The following MRPL48 variants were observed in gnomAD, a reference collection of about 807,000 sequenced individuals.
The protein encoded by MRPL48 is large ribosomal subunit protein mL48.
MRPL48 carries 16 observed loss-of-function variants against 32.9 expected under a neutral mutation model. That is an observed-to-expected ratio of 0.49 (90% CI 0.33 to 0.74). MRPL48 has a LOEUF of 0.74. MRPL48 is among the 30% of genes least tolerant of loss of function. MRPL48 has a pLI of 0.02. For missense variants in MRPL48, 206 were observed against 245.3 expected, an observed-to-expected ratio of 0.84 and a Z score of 1.07; for synonymous variants, 94 against 89.2, an observed-to-expected ratio of 1.05 and a Z score of -0.31.
At position 73,812,133 on chromosome 11, in the gene MRPL48, G is replaced by A. The variant is rs150146697; in HGVS notation, c.112+3783G>A. ...GATCTCCTGACCTTGTGATCCAACC[G>A]CCTCGGCCTCCCAAAGTGCTGGGAT... On this transcript the variant is annotated intron_variant, in intron 3 of 7. Transcript: ENST00000310614. 5.4e-3 allele frequency among the ~76,000 whole-genome samples: 814 copies of A among 152,110 alleles called. 8 individuals are homozygous for A. The highest frequency in any genetic ancestry group is 0.018 in the African/African-American group (736 of 41,498).
At chr11:73,847,791 G>A (rs1948321236) in intron 5 of MRPL48, among the ~76,000 whole-genome samples, 2 of 151,672 alleles carry the variant, frequency 1.3e-5, no homozygotes, top group Admixed American at 6.6e-5. Flanking sequence ...TGTTGGTCAG[G>A]CCAGTCTCGA....
chr11:73,806,382 A>G (rs1361118571), intron 2 of MRPL48, among the ~76,000 whole-genome samples: 1 of 152,112 alleles, frequency 6.6e-6, no homozygotes, highest in Non-Finnish European at 1.5e-5. Flanking sequence ...CTTTCCTCAG[A>G]TATCCATATG....
rs560214198 is a variant in MRPL48, at chr11:73,864,809, C to T, written c.*439C>T. Reference sequence around the variant, plus strand: ...CCAAAAACATTCTTTTTTTTTTTTCCGAAACGGAGTCTCGCTCTGTTGCCC... The same window carrying T: ...CCAAAAACATTCTTTTTTTTTTTTCTGAAACGGAGTCTCGCTCTGTTGCCC... On this transcript the variant is annotated 3_prime_UTR_variant, in exon 8 of 8. Transcript: ENST00000310614. 8.8e-5 allele frequency: 15 copies of T among 170,234 alleles called. 1 individual carries two copies. Among genetic ancestry groups the T allele is most frequent in the Admixed American group, 3.4e-4 (6 of 17,782 alleles). 10.5% of individuals were successfully genotyped at this position (170,234 alleles called of 1,614,324 possible).
chr11:73,835,634 C>CA (rs1288445415), intron 4 of MRPL48, among the ~76,000 whole-genome samples: 1 of 152,158 alleles, frequency 6.6e-6, no homozygotes, highest in East Asian at 1.9e-4. Context: ...CACAGTGACT[C>CA]ACACCTGTAA....
rs142282360 is a variant in MRPL48 at position 73,863,335 on chromosome 11, C to A, written c.564+74C>A. On this transcript the variant is annotated intron_variant, in intron 7 of 7. Coordinates refer to ENST00000310614, the MANE Select transcript of MRPL48 (RefSeq NM_016055.6). The stretch of plus-strand genomic sequence containing the variant: ...AATAAGGATAAGAACATCTGGACTT[C>A]CTGGCTTTAGAAAGAACAGAGAAAT... The A allele has an allele frequency of 3.3e-3, 4,104 of 1,259,084 alleles. 78 individuals are homozygous for A. The African/African-American group carries it at 0.043, about 13-fold the overall frequency. 78.0% of individuals were successfully genotyped at this position (1,259,084 alleles called of 1,614,324 possible).
chr11:73,825,186 TAA>T (rs958298381), intron 3 of MRPL48, among the ~76,000 whole-genome samples: 11 of 152,258 alleles, frequency 7.2e-5, no homozygotes, highest in African/African-American at 1.2e-4. Context: ...TTTTATATAC[TAA>T]GTTTATTAAT....
At chr11:73,809,759 A>G (rs900700131) in intron 3 of MRPL48, among the ~76,000 whole-genome samples, 5 of 152,198 alleles carry the variant, frequency 3.3e-5, no homozygotes, top group Non-Finnish European at 1.5e-5. Context: ...TTGGATTTTA[A>G]TGACGTTTGT....
At chr11:73,793,764 A>G (rs1453282361) in intron 1 of MRPL48, among the ~76,000 whole-genome samples, 1 of 151,740 alleles carries the variant, frequency 6.6e-6, no homozygotes, top group East Asian at 2.0e-4. Context: ...GCTCATGCCT[A>G]TAATTCCAAC....
At chr11:73,814,836 G>A (rs2511271) in intron 3 of MRPL48, among the ~76,000 whole-genome samples, 85,753 of 150,624 alleles carry the variant, frequency 0.57, 27,425 homozygotes, top group African/African-American at 0.89. Context: ...TCTACTAAAA[G>A]TACAAAAATT....
chr11:73,856,915 TA>T (rs920926858), intron 5 of MRPL48, among the ~76,000 whole-genome samples: 2 of 151,844 alleles, frequency 1.3e-5, no homozygotes, highest in Admixed American at 6.6e-5. Flanking sequence ...AATAAAAAAA[TA>T]AAAAAACCCA....
chr11:73,788,075 G>C, intron 1 of MRPL48, 83 bp downstream of exon 1: 2 of 1,571,900 alleles, frequency 1.3e-6, no homozygotes, highest in South Asian at 2.3e-5. Flanking sequence ...GCAGAGCGGG[G>C]AGGTGGCGGC....
intron 3 of MRPL48, among the ~76,000 whole-genome samples, 183 bp downstream of exon 3, chr11:73,808,533 A>G (rs1947500869): frequency 6.6e-6 from 1 of 152,224 alleles, no homozygotes; most frequent in Non-Finnish European, 1.5e-5. Flanking sequence ...GCTAAGAGCA[A>G]GAGCTCTACA....
intron 3 of MRPL48, among the ~76,000 whole-genome samples, chr11:73,821,785 T>C (rs1427036963): frequency 6.6e-6 from 1 of 152,214 alleles, no homozygotes; most frequent in East Asian, 1.9e-4. Flanking sequence ...CAATGCGTGG[T>C]ACCTATCAAG....
At chr11:73,822,347 C>T (rs760337278) in intron 3 of MRPL48, among the ~76,000 whole-genome samples, 1 of 152,166 alleles carries the variant, frequency 6.6e-6, no homozygotes, top group Non-Finnish European at 1.5e-5. Flanking sequence ...TGACATTGCT[C>T]ACGTGTCCAT....
chr11:73,820,201 G>A (rs1286540570), intron 3 of MRPL48, among the ~76,000 whole-genome samples: 2 of 152,118 alleles, frequency 1.3e-5, no homozygotes, highest in East Asian at 1.9e-4. Context: ...GGCCCAGCAC[G>A]GTTGATTCCG....
At chr11:73,858,512 T>G (rs1481316899) in intron 5 of MRPL48, among the ~76,000 whole-genome samples, 1 of 152,202 alleles carries the variant, frequency 6.6e-6, no homozygotes, top group Non-Finnish European at 1.5e-5. Flanking sequence ...CCTGATCTTG[T>G]GATCCACCCG....
rs778409092 is a variant in MRPL48, at chr11:73,863,226, A to G, written c.529A>G (p.Ser177Gly). The G allele has an allele frequency of 1.3e-6, 2 of 1,575,902 alleles. No individual in the cohort carries two copies. Among genetic ancestry groups the G allele is most frequent in the Non-Finnish European group, 1.7e-6 (2 of 1,160,176 alleles). Residue 177 changes from serine to glycine, a missense_variant, in exon 7 of 8, where the codon AGT becomes GGT. Ser to Gly is a moderately conservative substitution (Grantham distance 56). Coordinates refer to ENST00000310614, the MANE Select transcript of MRPL48 (RefSeq NM_016055.6). ...AATTTTCTTGGAAATAATCCAAAGC[A>G]GTCTTCCTGAAGGAGTCAGACTGTC... ...AEIFLEIIQS[S>G]LPEGVRLSVK...
At chr11:73,804,838 G>A (rs1947420661) in intron 1 of MRPL48, among the ~76,000 whole-genome samples, 189 bp from the exon 2 acceptor site, 1 of 152,180 alleles carries the variant, frequency 6.6e-6, no homozygotes, top group African/African-American at 2.4e-5. Context: ...ACTGTAGTGG[G>A]TGGAATGAGA....
intron 1 of MRPL48, among the ~76,000 whole-genome samples, chr11:73,804,211 C>T (rs1025354903): frequency 6.6e-6 from 1 of 151,788 alleles, no homozygotes; most frequent in Non-Finnish European, 1.5e-5. Flanking sequence ...AGCCACCGTG[C>T]CCAGCCTATC....
Sources: gnomAD v4.1 joint callset for allele counts (sites outside exome capture counted in the v4.1 genomes callset) on GRCh38, gnomAD v4.1.1 for gene constraint, MANE v1.5 for transcripts, NCBI Gene and HGNC (gene_info 2026-07-23, HGNC 2026-07-21) for gene names.